DAPK1: variants seen among roughly 807,000 people sequenced by gnomAD.
DAPK1 encodes the protein death-associated protein kinase 1.
In DAPK1, 56 loss-of-function variants were observed where a neutral mutation model predicts 144.9. The ratio of observed to expected loss-of-function variants is 0.39; its 90% CI spans 0.31 to 0.48. The LOEUF (loss-of-function observed/expected upper bound fraction) is 0.48. Among genes scored for constraint, DAPK1 ranks in the 20% least tolerant of loss-of-function variants. The probability of loss-of-function intolerance (pLI) is 0.95; values close to 1 mark genes in which losing one functional copy is unlikely to be tolerated. For synonymous variants in DAPK1, 690 were observed against 749.0 expected (o/e 0.92, Z 1.29); for missense variants, 1,454 against 1,875.4 (o/e 0.78, Z 4.15).
rs558695647 is a variant in DAPK1 at position 87,626,105 on chromosome 9, G to A, written c.285-11838G>A. ...ATTGGTTCATGTTTTCCACTTATTC[G>A]ATTGGTAAAAGTAATAATACCAAGC... On this transcript the variant is annotated intron_variant, in intron 3 of 25. Transcript: ENST00000408954. Among the ~76,000 whole-genome samples, 17 of 152,250 alleles carry A rather than the reference G, an allele frequency of 1.1e-4. No individual in the cohort carries two copies. In the South Asian group the frequency reaches 1.9e-3, roughly 17 times the overall value.
chr9:87,548,913 C>CTTTTTTTTTTTTTTTTTTTT (rs11291160), intron 2 of DAPK1, among the ~76,000 whole-genome samples: 4 of 63,844 alleles, frequency 6.3e-5, no homozygotes, highest in African/African-American at 2.0e-4. Context: ...GATTTCATTC[C>CTTTTTTTTTTTTTTTTTTTT]TTTTTTTTTT....
chr9:87,529,277 A>C (rs1235053238), intron 2 of DAPK1, among the ~76,000 whole-genome samples: 1 of 152,184 alleles, frequency 6.6e-6, no homozygotes, highest in Non-Finnish European at 1.5e-5. Context: ...AACTTGCCTC[A>C]GTCTCTTCTG....
chr9:87,625,527 C>T (rs151172894), intron 3 of DAPK1, among the ~76,000 whole-genome samples: 30 of 152,274 alleles, frequency 2.0e-4, no homozygotes, highest in African/African-American at 6.5e-4. Context: ...TGGGCTCAGG[C>T]GATCATCAGT....
At chr9:87,649,888 T>C (rs765654768) in intron 15 of DAPK1, 33 bp from the exon 16 acceptor site, 1 of 1,607,568 alleles carries the variant, frequency 6.2e-7, no homozygotes, top group East Asian at 2.2e-5. Context: ...ATTATTGTGT[T>C]CTCCTCCTCT....
chr9:87,544,505 C>T (rs982282035), intron 2 of DAPK1, among the ~76,000 whole-genome samples: 1 of 152,130 alleles, frequency 6.6e-6, no homozygotes, highest in African/African-American at 2.4e-5. Context: ...CACTTGTGTA[C>T]ATTAATGTAT....
chr9:87,502,100 G>A (rs1260553711), intron 2 of DAPK1, among the ~76,000 whole-genome samples: 3 of 152,048 alleles, frequency 2.0e-5, no homozygotes, highest in Non-Finnish European at 4.4e-5. Context: ...TAACTTGGCC[G>A]GCAAGTCAAT....
chr9:87,523,148 A>G (rs1190974262), intron 2 of DAPK1, among the ~76,000 whole-genome samples: 2 of 152,206 alleles, frequency 1.3e-5, no homozygotes, highest in African/African-American at 4.8e-5. Flanking sequence ...CGTTAAGTCC[A>G]TTCACATTGG....
In DAPK1 at chr9:87,651,529, C is replaced by G. The variant is rs371746705; in HGVS notation, c.1629C>G (p.Asp543Glu). The G allele has an allele frequency of 2.2e-5, 35 of 1,613,924 alleles. No homozygotes were observed. Among genetic ancestry groups the G allele is most frequent in the African/African-American group, 4.0e-5 (3 of 74,888 alleles). Reference sequence around the variant, plus strand: ...TGATCTCTGGGGTTTGTTTCCAGGACGGACACATTGCCCTTCATCTGGCTG... The same window carrying G: ...TGATCTCTGGGGTTTGTTTCCAGGAGGGACACATTGCCCTTCATCTGGCTG... The part of the protein sequence containing the change: ...HGADLNACDK[D>E]GHIALHLAVR... The change falls in exon 17 of 26, where the codon GAC becomes GAG. Residue 543 changes from aspartate to glutamate, a missense_variant and splice_region_variant. Asp to Glu is a conservative substitution (Grantham distance 45). Coordinates refer to ENST00000408954, the MANE Select transcript of DAPK1 (RefSeq NM_004938.4).
intron 2 of DAPK1, among the ~76,000 whole-genome samples, chr9:87,581,653 T>C (rs1827757396): frequency 6.6e-6 from 1 of 152,200 alleles, no homozygotes; most frequent in African/African-American, 2.4e-5. Flanking sequence ...CCTTCTGGCC[T>C]GTGGAAGATA....
intron 2 of DAPK1, among the ~76,000 whole-genome samples, chr9:87,527,361 G>A (rs7861690): frequency 0.45 from 67,887 of 152,016 alleles, 15,448 homozygotes; most frequent in South Asian, 0.57. Context: ...CTCAGGCCCA[G>A]TAGTCTTTGC....
chr9:87,649,343 G>A (rs1830368904), intron 15 of DAPK1, among the ~76,000 whole-genome samples: 1 of 152,188 alleles, frequency 6.6e-6, no homozygotes, highest in Admixed American at 6.5e-5. Flanking sequence ...TGAAGATACA[G>A]GCCTCACGGT....
chr9:87,671,582 C>T (rs1203700376), intron 19 of DAPK1, among the ~76,000 whole-genome samples: 2 of 151,652 alleles, frequency 1.3e-5, no homozygotes, highest in South Asian at 2.1e-4. Context: ...CTCACTGCAG[C>T]GTCAAACTCC....
chr9:87,522,407 C>T (rs991490810), intron 2 of DAPK1, among the ~76,000 whole-genome samples: 4 of 152,126 alleles, frequency 2.6e-5, no homozygotes, highest in Non-Finnish European at 4.4e-5. Context: ...TTACTGAAAT[C>T]GTAGCATGTT....
chr9:87,506,986 T>TA (rs1824626741), intron 2 of DAPK1: 1 of 152,206 alleles, frequency 6.6e-6, no homozygotes, highest in Non-Finnish European at 1.5e-5. Flanking sequence ...TTTTTACAAA[T>TA]AAAAAATCTA....
At chr9:87,537,714 A>G (rs887220680) in intron 2 of DAPK1, among the ~76,000 whole-genome samples, 4 of 152,106 alleles carry the variant, frequency 2.6e-5, no homozygotes, top group African/African-American at 9.7e-5. Context: ...ATTTCCTATC[A>G]TCTGTTCTTA....
chr9:87,660,475 TATTG>T (rs1416850983), intron 18 of DAPK1, among the ~76,000 whole-genome samples: 3 of 152,186 alleles, frequency 2.0e-5, no homozygotes, highest in Non-Finnish European at 4.4e-5. Context: ...TCAATAAATT[TATTG>T]ATTGATTTAT....
intron 2 of DAPK1, among the ~76,000 whole-genome samples, chr9:87,595,794 G>A (rs899446967): frequency 3.9e-5 from 6 of 152,282 alleles, no homozygotes; most frequent in Admixed American, 1.3e-4. Context: ...CTACCTCTGT[G>A]TGTTGTTCTG....
intron 2 of DAPK1, among the ~76,000 whole-genome samples, chr9:87,551,011 A>C (rs7866648): frequency 0.53 from 80,004 of 152,130 alleles, 23,280 homozygotes; most frequent in East Asian, 0.76. Flanking sequence ...GCAGAAGGCC[A>C]AGCTGTTGGG....
chr9:87,571,615 A>G (rs1827365334), intron 2 of DAPK1, among the ~76,000 whole-genome samples: 1 of 152,126 alleles, frequency 6.6e-6, no homozygotes, highest in South Asian at 2.1e-4. Flanking sequence ...CGTTCCAGTG[A>G]CATAAATGGA....
Sources: gnomAD v4.1 joint callset for allele counts (sites outside exome capture counted in the v4.1 genomes callset) on GRCh38, gnomAD v4.1.1 for gene constraint, MANE v1.5 for transcripts, NCBI Gene and HGNC (gene_info 2026-07-23, HGNC 2026-07-21) for gene names.